PTPRD: variants seen among roughly 807,000 people sequenced by gnomAD.
PTPRD encodes the protein protein tyrosine phosphatase receptor type D, also known as receptor-type tyrosine-protein phosphatase delta.
PTPRD carries 34 observed loss-of-function variants against 214.5 expected under a neutral mutation model. That is an observed-to-expected ratio of 0.16 (90% CI 0.12 to 0.21). The LOEUF is 0.21. Ranked by LOEUF, PTPRD falls within the 10% of genes least tolerant of loss-of-function variation. PTPRD has a pLI of 1.00. For missense variants in PTPRD, 2,545 were observed against 2,398.7 expected (o/e 1.06, Z -1.27); for synonymous variants, 1,128 against 845.7 (o/e 1.33, Z -5.79).
chr9:8,570,743 T>C (rs1330895510), intron 14 of PTPRD, among the ~76,000 whole-genome samples: 1 of 152,102 alleles, frequency 6.6e-6, no homozygotes, highest in Non-Finnish European at 1.5e-5. Context: ...CTGACCTGTG[T>C]TTGTTTTAAG....
intron 11 of PTPRD, among the ~76,000 whole-genome samples, chr9:9,009,907 T>G (rs2099501094): frequency 6.6e-6 from 1 of 152,120 alleles, no homozygotes; most frequent in Non-Finnish European, 1.5e-5. Context: ...ATGAGAATTT[T>G]AGGTTGACTT....
chr9:10,320,650 T>C (rs939221003), intron 3 of PTPRD, among the ~76,000 whole-genome samples: 2 of 152,054 alleles, frequency 1.3e-5, no homozygotes, highest in South Asian at 2.1e-4. Context: ...ACTAATGCTA[T>C]TGTTTTCTCT....
chr9:8,344,145 C>T (rs943826924), intron 39 of PTPRD, among the ~76,000 whole-genome samples: 2 of 152,078 alleles, frequency 1.3e-5, no homozygotes, highest in Non-Finnish European at 2.9e-5. Flanking sequence ...CTCCAAGTAA[C>T]ATCTTTCGTT....
intron 9 of PTPRD, among the ~76,000 whole-genome samples, chr9:9,306,555 C>T (rs904403151): frequency 2.1e-5 from 2 of 95,330 alleles, no homozygotes; most frequent in Non-Finnish European, 3.8e-5. Flanking sequence ...CAGAGTGAGA[C>T]TCCGTCTCAA....
At chr9:8,498,235 T>C (rs2097318466) in intron 25 of PTPRD, among the ~76,000 whole-genome samples, 1 of 152,200 alleles carries the variant, frequency 6.6e-6, no homozygotes, top group Admixed American at 6.5e-5. Flanking sequence ...AGTACTTTCC[T>C]TAGAGGCACA....
chr9:10,159,027 G>A (rs541300982), intron 3 of PTPRD, among the ~76,000 whole-genome samples: 4 of 152,150 alleles, frequency 2.6e-5, no homozygotes, highest in Non-Finnish European at 5.9e-5. Context: ...GTCCCCCTGG[G>A]CATGAACACC....
intron 3 of PTPRD, among the ~76,000 whole-genome samples, chr9:10,130,961 G>C (rs550706972): frequency 5.3e-5 from 8 of 152,054 alleles, no homozygotes; most frequent in Non-Finnish European, 1.2e-4. Flanking sequence ...ATTCAGAAAA[G>C]AAAGGAAAGA....
intron 11 of PTPRD, among the ~76,000 whole-genome samples, chr9:8,900,145 T>C (rs945511762): frequency 3.3e-5 from 5 of 152,208 alleles, no homozygotes; most frequent in Non-Finnish European, 2.9e-5. Flanking sequence ...TGACATACTA[T>C]ATAAATAATT....
intron 12 of PTPRD, among the ~76,000 whole-genome samples, chr9:8,709,768 T>C (rs1161753396): frequency 6.6e-6 from 1 of 152,140 alleles, no homozygotes; most frequent in Non-Finnish European, 1.5e-5. Context: ...TCAGTCTACA[T>C]AACCAAATAC....
chr9:9,521,356 C>T (rs749679849), intron 8 of PTPRD, among the ~76,000 whole-genome samples: 13 of 152,120 alleles, frequency 8.5e-5, no homozygotes, highest in Non-Finnish European at 1.8e-4. Flanking sequence ...TAAACACTTA[C>T]AATCCATTTG....
At chr9:10,485,230 T>A (rs760013295) in intron 2 of PTPRD, among the ~76,000 whole-genome samples, 2 of 152,110 alleles carry the variant, frequency 1.3e-5, no homozygotes, top group African/African-American at 2.4e-5. Context: ...ACGTGTCTGT[T>A]ATTATGCCAG....
intron 2 of PTPRD, among the ~76,000 whole-genome samples, chr9:10,401,266 G>A (rs1390278338): frequency 1.3e-5 from 2 of 151,418 alleles, no homozygotes; most frequent in Admixed American, 6.6e-5. Flanking sequence ...CAGTAGCATC[G>A]CTGGAAATAA....
chr9:9,687,520 G>T (rs528601442), intron 7 of PTPRD, among the ~76,000 whole-genome samples: 45 of 142,106 alleles, frequency 3.2e-4, no homozygotes, highest in African/African-American at 1.1e-3. Context: ...TATAGGGAGA[G>T]CATAGGGCAA....
intron 9 of PTPRD, among the ~76,000 whole-genome samples, chr9:9,313,873 G>A (rs572884759): frequency 2.6e-5 from 4 of 152,094 alleles, no homozygotes; most frequent in South Asian, 2.1e-4. Flanking sequence ...TTAGTTTCAC[G>A]TGTTGATTTC....
At position 9,907,622 on chromosome 9, in the gene PTPRD, C is replaced by T. The variant is rs78442774; in HGVS notation, c.-368+30885G>A. ...CTTATTTCTTTTAAAGCTCTATCTCCGAATAAAGTCACATTGGGGATTAGG... is the reference window on the plus strand; with the variant it reads ...CTTATTTCTTTTAAAGCTCTATCTCTGAATAAAGTCACATTGGGGATTAGG... On this transcript the variant is annotated intron_variant, in intron 5 of 45. Coordinates refer to ENST00000381196, the MANE Select transcript of PTPRD (RefSeq NM_002839.4). Among the ~76,000 whole-genome samples, 789 of 151,970 alleles carry T rather than the reference C, an allele frequency of 5.2e-3. 3 individuals carry two copies. The highest frequency in any genetic ancestry group is 7.8e-3 in the Non-Finnish European group (528 of 67,900).
At chr9:8,732,502 T>C (rs769082939) in intron 12 of PTPRD, among the ~76,000 whole-genome samples, 3 of 152,234 alleles carry the variant, frequency 2.0e-5, no homozygotes, top group Non-Finnish European at 4.4e-5. Flanking sequence ...TTGACATAAA[T>C]GGCTTTAAAA....
intron 12 of PTPRD, among the ~76,000 whole-genome samples, chr9:8,651,247 T>C (rs1372926893): frequency 6.6e-5 from 10 of 152,268 alleles, no homozygotes; most frequent in African/African-American, 2.2e-4. Context: ...TTTCACACAG[T>C]GGCCCCGCCC....
chr9:9,838,322 T>C (rs1299862272), intron 5 of PTPRD, among the ~76,000 whole-genome samples: 1 of 152,066 alleles, frequency 6.6e-6, no homozygotes, highest in East Asian at 1.9e-4. Flanking sequence ...TTTCTAGTTC[T>C]AGATCCCTGA....
intron 2 of PTPRD, among the ~76,000 whole-genome samples, chr9:10,531,740 T>C (rs2056412086): frequency 6.6e-6 from 1 of 152,200 alleles, no homozygotes; most frequent in East Asian, 1.9e-4. Flanking sequence ...TGTGTTCATT[T>C]AGTGTTTCTC....
Sources: gnomAD v4.1 joint callset for allele counts (sites outside exome capture counted in the v4.1 genomes callset) on GRCh38, gnomAD v4.1.1 for gene constraint, MANE v1.5 for transcripts, NCBI Gene and HGNC (gene_info 2026-07-23, HGNC 2026-07-21) for gene names.